PALLD: variants seen among roughly 807,000 people sequenced by gnomAD.
PALLD encodes palladin, cytoskeletal associated protein.
A neutral mutation model predicts 123.5 loss-of-function variants in PALLD; 61 were observed. The ratio of observed to expected loss-of-function variants is 0.49; its 90% confidence interval spans 0.40 to 0.61. The LOEUF (loss-of-function observed/expected upper bound fraction) is 0.61, where lower values mean the gene tolerates loss of function less well. PALLD is among the 20% of genes least tolerant of loss of function. PALLD has a pLI of 0.00. For missense variants in PALLD, 1,273 were observed against 1,377.0 expected (o/e 0.92, Z 1.20); for synonymous variants, 465 against 496.4 (o/e 0.94, Z 0.84).
chr4:168,895,275 G>A (rs1035937323), intron 12 of PALLD, among the ~76,000 whole-genome samples: 7 of 152,154 alleles, frequency 4.6e-5, no homozygotes, highest in African/African-American at 7.2e-5. Context: ...CCAGCTACTC[G>A]GGAAGCTGAG....
At chr4:168,759,415 C>T (rs552355048) in intron 10 of PALLD, among the ~76,000 whole-genome samples, 1 of 151,620 alleles carries the variant, frequency 6.6e-6, no homozygotes, top group South Asian at 2.1e-4. Context: ...ACTTGCTCTA[C>T]TTGGCAGGAA....
rs1237979158 is a variant in PALLD at position 168,896,625 on chromosome 4, T to C, written c.2250+26T>C. On this transcript the variant is annotated intron_variant, in intron 13 of 21. Coordinates refer to ENST00000505667, the MANE Select transcript of PALLD (RefSeq NM_001166108.2). Reference sequence around the variant, plus strand: ...GTTAAGCTTTTCACCTTTCTTCTCCTTCCAGTCTTTCTCTGTGTCTGTTTT... The same window carrying C: ...GTTAAGCTTTTCACCTTTCTTCTCCCTCCAGTCTTTCTCTGTGTCTGTTTT... The C allele has an allele frequency of 3.0e-6, 4 of 1,330,960 alleles. No individual in the cohort carries two copies. In the South Asian group the frequency reaches 5.1e-5, roughly 17 times the overall value. 82.4% of individuals were successfully genotyped at this position (1,330,960 alleles called of 1,614,324 possible).
At chr4:168,774,727 CAA>C (rs56364164) in intron 10 of PALLD, among the ~76,000 whole-genome samples, 738 of 73,196 alleles carry the variant, frequency 0.01, 14 homozygotes, top group African/African-American at 0.035. Context: ...GACTGCATCT[CAA>C]AAAAAAAAAA....
At chr4:168,872,209 C>T (rs1443422783) in intron 10 of PALLD, among the ~76,000 whole-genome samples, 5 of 152,138 alleles carry the variant, frequency 3.3e-5, no homozygotes, top group Non-Finnish European at 7.4e-5. Flanking sequence ...AAATAGAGAT[C>T]AACTTTATGC....
chr4:168,770,419 C>T (rs980333220), intron 10 of PALLD, among the ~76,000 whole-genome samples: 1 of 152,150 alleles, frequency 6.6e-6, no homozygotes, highest in African/African-American at 2.4e-5. Context: ...GGTAGCTCTC[C>T]AGTGCTGCCT....
chr4:168,588,667 C>G (rs1771095503), intron 2 of PALLD, among the ~76,000 whole-genome samples: 1 of 152,190 alleles, frequency 6.6e-6, no homozygotes, highest in Admixed American at 6.5e-5. Flanking sequence ...CTCAGCCTCC[C>G]AAAGTGCTGG....
intron 3 of PALLD, among the ~76,000 whole-genome samples, chr4:168,669,826 T>G (rs939332796): frequency 7.4e-6 from 1 of 135,134 alleles, no homozygotes; most frequent in African/African-American, 3.0e-5. Flanking sequence ...ACACACACAA[T>G]CATTTATACT....
At chr4:168,880,129 A>G (rs1752408560) in intron 10 of PALLD, among the ~76,000 whole-genome samples, 1 of 152,252 alleles carries the variant, frequency 6.6e-6, no homozygotes, top group Admixed American at 6.5e-5. Context: ...TAGTAGAAAC[A>G]GCAGTTTGTG....
At chr4:168,798,814 G>T (rs1468311416) in intron 10 of PALLD, among the ~76,000 whole-genome samples, 1 of 152,080 alleles carries the variant, frequency 6.6e-6, no homozygotes, top group Non-Finnish European at 1.5e-5. Flanking sequence ...ATGTAAACTT[G>T]AACTGTCTCA....
At chr4:168,684,175 G>A (rs1781807700) in intron 5 of PALLD, among the ~76,000 whole-genome samples, 1 of 152,146 alleles carries the variant, frequency 6.6e-6, no homozygotes, top group Non-Finnish European at 1.5e-5. Flanking sequence ...CCCAAATGGG[G>A]TGAATGTGAC....
chr4:168,925,105 T>C, intron 20 of PALLD, 27 bp downstream of exon 20: 2 of 1,611,412 alleles, frequency 1.2e-6, no homozygotes, highest in East Asian at 2.2e-5. Flanking sequence ...CTCATTTCAT[T>C]GCGTTTACTC....
chr4:168,815,045 A>G (rs1287776686), intron 10 of PALLD, among the ~76,000 whole-genome samples: 1 of 152,254 alleles, frequency 6.6e-6, no homozygotes, highest in Non-Finnish European at 1.5e-5. Context: ...CGCTGGGATT[A>G]TAGGCATGAG....
chr4:168,925,030 A>G lies in PALLD; in HGVS notation c.3310A>G (p.Lys1104Glu), dbSNP rs1762300357. The G allele has an allele frequency of 6.2e-7, 1 of 1,614,022 alleles. No individual in the cohort carries two copies. The highest frequency in any genetic ancestry group is 1.3e-5 in the African/African-American group (1 of 74,932). The change falls in exon 20 of 22, where the codon AAG (lysine) becomes GAG (glutamate). Residue 1104 changes from lysine (K) to glutamate (E), a missense_variant. Physicochemically the swap from Lys to Glu is moderately conservative, Grantham distance 56. Transcript: ENST00000505667. ...TGCTGGGTGGTATACTGTGTCAGCC[A>G]AGAATGAAGCAGGGATTGTGTCCTG... ...EDAGWYTVSA[K>E]NEAGIVSCTA...
chr4:168,903,907 G>A lies in PALLD; in HGVS notation c.2622+1G>A. On this transcript the variant is annotated splice_donor_variant, in intron 15 of 21. Transcript: ENST00000505667. LOFTEE classifies it high-confidence loss of function. ...TACAATTATGGCTGCAAACCCTCAG[G>A]TAAAGAAGGGTATAGGTCTGGGCTC... The A allele has an allele frequency of 6.2e-7, 1 of 1,613,616 alleles. No homozygotes were observed. The highest frequency in any genetic ancestry group is 8.5e-7 in the Non-Finnish European group (1 of 1,179,566).
intron 2 of PALLD, among the ~76,000 whole-genome samples, chr4:168,657,039 T>C (rs1778650291): frequency 6.6e-6 from 1 of 152,166 alleles, no homozygotes; most frequent in Non-Finnish European, 1.5e-5. Context: ...AAGCTAGTTG[T>C]AAAATGTATG....
chr4:168,586,020 A>G (rs940923173), intron 2 of PALLD, among the ~76,000 whole-genome samples: 3 of 152,070 alleles, frequency 2.0e-5, no homozygotes, highest in Admixed American at 2.0e-4. Context: ...AATGTTACCA[A>G]TGTCCTCATA....
intron 2 of PALLD, among the ~76,000 whole-genome samples, chr4:168,646,148 C>A (rs1443519352): frequency 6.6e-6 from 1 of 152,172 alleles, no homozygotes; most frequent in Non-Finnish European, 1.5e-5. Flanking sequence ...ACAGCCTCTT[C>A]CTGGCTGCAG....
At chr4:168,534,192 G>A (rs557849102) in intron 2 of PALLD, among the ~76,000 whole-genome samples, 1 of 152,286 alleles carries the variant, frequency 6.6e-6, no homozygotes, top group East Asian at 1.9e-4. Context: ...ATTCCAAGCT[G>A]AGGTCAATTC....
chr4:168,576,630 T>C (rs1031163421), intron 2 of PALLD, among the ~76,000 whole-genome samples: 1 of 152,172 alleles, frequency 6.6e-6, no homozygotes. Context: ...TAATCCAGTC[T>C]ATCATTGTTG....
Sources: gnomAD v4.1 joint callset for allele counts (sites outside exome capture counted in the v4.1 genomes callset) on GRCh38, gnomAD v4.1.1 for gene constraint, MANE v1.5 for transcripts, NCBI Gene and HGNC (gene_info 2026-07-23, HGNC 2026-07-21) for gene names.